Variants in TANC1 observed in about 807,000 individuals in gnomAD.
TANC1 encodes tetratricopeptide repeat, ankyrin repeat and coiled-coil containing 1.
Under a neutral mutation model 149.7 loss-of-function variants are expected in TANC1, and 77 were observed. That is an observed-to-expected ratio of 0.51 (90% CI 0.43 to 0.62). The LOEUF (loss-of-function observed/expected upper bound fraction) is 0.62, where lower values mean the gene tolerates loss of function less well. Among genes scored for constraint, TANC1 ranks in the 20% least tolerant of loss-of-function variants. TANC1 has a pLI of 0.00. For missense variants in TANC1, 1,985 were observed against 2,321.8 expected (o/e 0.85, Z 2.98); for synonymous variants, 854 against 925.0 (o/e 0.92, Z 1.39).
intron 8 of TANC1, among the ~76,000 whole-genome samples, chr2:159,163,753 A>G (rs1185767541): frequency 6.6e-6 from 1 of 152,176 alleles, no homozygotes; most frequent in Non-Finnish European, 1.5e-5. Flanking sequence ...CTGCTCTGGA[A>G]TTCTTTAAAT....
rs140659801 is a variant in TANC1 at position 159,059,888 on chromosome 2, TTGTGTGTGTGTGTGTGTGTG to T, written c.-15-5985_-15-5966del. On this transcript the variant is annotated intron_variant, in intron 2 of 26. Transcript: ENST00000263635. Reference sequence around the variant, plus strand: ...CCAGTGTACCATCTAGCAGACCTCTTTGTGTGTGTGTGTGTGTGTGTGTGTGTGTGTGTGTGTGTGTGGTT... The same window carrying T: ...CCAGTGTACCATCTAGCAGACCTCTTTGTGTGTGTGTGTGTGTGTGTGGTT... 7.8e-4 allele frequency among the ~76,000 whole-genome samples: 90 copies of T among 114,818 alleles called. 1 individual carries two copies. The highest frequency in any genetic ancestry group is 1.3e-3 in the Non-Finnish European group (72 of 56,018). 75.3% of individuals were successfully genotyped at this position (114,818 alleles called of 152,430 possible). A position where few individuals can be genotyped will look rare whatever the true frequency, so the allele number is the denominator to read the frequency against.
chr2:159,073,731 A>G (rs1216881334), intron 3 of TANC1, among the ~76,000 whole-genome samples: 1 of 152,198 alleles, frequency 6.6e-6, no homozygotes, highest in African/African-American at 2.4e-5. Context: ...AATTCCCATA[A>G]AAAGTTTCAT....
intron 1 of TANC1, among the ~76,000 whole-genome samples, chr2:158,969,539 G>C (rs888393280): frequency 6.6e-6 from 1 of 152,220 alleles, no homozygotes; most frequent in Non-Finnish European, 1.5e-5. Flanking sequence ...TTCGGGGGAC[G>C]ATATCAGGGC....
At chr2:159,226,780 T>C (rs989529470) in intron 24 of TANC1, 8 of 152,202 alleles carry the variant, frequency 5.3e-5, no homozygotes, top group Non-Finnish European at 8.8e-5. Flanking sequence ...GTGTGGCCTC[T>C]GTCACAACTC....
intron 2 of TANC1, among the ~76,000 whole-genome samples, chr2:159,061,541 T>G (rs966372104): frequency 1.3e-5 from 2 of 152,254 alleles, no homozygotes; most frequent in Admixed American, 6.5e-5. Context: ...TCAATCATGC[T>G]TCTACGTGGC....
intron 2 of TANC1, among the ~76,000 whole-genome samples, chr2:159,037,906 C>T (rs899899992): frequency 1.3e-4 from 20 of 152,128 alleles, no homozygotes; most frequent in Non-Finnish European, 2.9e-5. Flanking sequence ...TCATTGGTAG[C>T]TTGATGGAGA....
intron 5 of TANC1, among the ~76,000 whole-genome samples, chr2:159,144,939 C>G (rs779466071): frequency 1.3e-5 from 2 of 152,074 alleles, no homozygotes; most frequent in African/African-American, 4.8e-5. Flanking sequence ...AAGTCAACTT[C>G]GAGGTCACAT....
chr2:159,092,373 T>C (rs1388841867), intron 3 of TANC1, among the ~76,000 whole-genome samples: 1 of 152,234 alleles, frequency 6.6e-6, no homozygotes, highest in African/African-American at 2.4e-5. Context: ...TAATCTGTGA[T>C]GTTGGATGTT....
chr2:158,970,676 C>A, intron 1 of TANC1, among the ~76,000 whole-genome samples: 1 of 152,198 alleles, frequency 6.6e-6, no homozygotes, highest in Non-Finnish European at 1.5e-5. Context: ...TCCTTCAGGA[C>A]TTCCTCCTAG....
chr2:159,092,360 C>T lies in TANC1; in HGVS notation c.62-5277C>T, dbSNP rs545300240. On this transcript the variant is annotated intron_variant, in intron 3 of 26. Transcript: ENST00000263635. ...TGTCTCTAATGCTGCACTCTATGTA[C>T]TTTAATCTGTGATGTTGGATGTTGC... 3.3e-5 allele frequency among the ~76,000 whole-genome samples: 5 copies of T among 152,270 alleles called. 1 individual carries two copies. Among genetic ancestry groups the T allele is most frequent in the African/African-American group, 9.6e-5 (4 of 41,544 alleles).
intron 2 of TANC1, among the ~76,000 whole-genome samples, chr2:159,032,239 C>A (rs73969421): frequency 6.6e-6 from 1 of 152,154 alleles, no homozygotes; most frequent in African/African-American, 2.4e-5. Flanking sequence ...GGAGAGTACT[C>A]AGATGGAATA....
intron 18 of TANC1, among the ~76,000 whole-genome samples, chr2:159,197,744 T>C (rs762026769): frequency 6.6e-6 from 1 of 152,158 alleles, no homozygotes; most frequent in Non-Finnish European, 1.5e-5. Context: ...TCTTAATCCA[T>C]GCTAACCCCC....
chr2:159,163,469 C>T lies in TANC1; in HGVS notation c.869C>T (p.Ser290Phe). The T allele has an allele frequency of 1.2e-6, 2 of 1,613,948 alleles. No individual in the cohort carries two copies. Among genetic ancestry groups the T allele is most frequent in the Non-Finnish European group, 1.7e-6 (2 of 1,180,010 alleles). ...GAGAGCACGCTGCCCAAAGCAGAAT[C>T]CTCAGCTGGAGATGGTCCAGTCCCT... ...SAESTLPKAE[S>F]SAGDGPVPYS... Residue 290 changes from serine (S) to phenylalanine (F), a missense_variant, in exon 8 of 27, where the codon TCC becomes TTC. Coordinates refer to ENST00000263635, the MANE Select transcript of TANC1 (RefSeq NM_033394.3).
At chr2:159,159,439 CA>C (rs34576502) in intron 7 of TANC1, among the ~76,000 whole-genome samples, 30,771 of 92,986 alleles carry the variant, frequency 0.33, 3,608 homozygotes, top group Non-Finnish European at 0.42. Context: ...GACCCTGTCT[CA>C]AAAAAAAAAA....
chr2:159,179,933 G>A (rs1362734422), intron 14 of TANC1, among the ~76,000 whole-genome samples: 2 of 152,182 alleles, frequency 1.3e-5, no homozygotes, highest in Admixed American at 6.5e-5. Flanking sequence ...TGTCTCTGCT[G>A]TCTCGAGTGG....
At chr2:159,015,024 A>G (rs188957412) in intron 2 of TANC1, among the ~76,000 whole-genome samples, 4 of 152,284 alleles carry the variant, frequency 2.6e-5, no homozygotes, top group Non-Finnish European at 4.4e-5. Context: ...CCCTCTTCTC[A>G]CAGCTCTACT....
Position 159,230,679 on chromosome 2 carries a change from G to A in TANC1, c.5253G>A (p.Gly1751=). The A allele has an allele frequency of 1.2e-6, 2 of 1,614,224 alleles. No homozygotes were observed. The highest frequency in any genetic ancestry group is 1.7e-6 in the Non-Finnish European group (2 of 1,180,038). ...SRSWHCPAPE[G]LLTNTSSAAG... The stretch of plus-strand genomic sequence containing the variant: ...GCTGGCACTGTCCGGCACCAGAGGG[G>A]CTGCTGACAAACACGTCTTCTGCAG... Residue 1751 remains glycine (G), a synonymous_variant, in exon 27 of 27, where the codon GGG becomes GGA. Transcript: ENST00000263635. This position sits in a 1 kb window ranked among gnomAD's most constrained non-coding sequence, Gnocchi z 4.4.
At chr2:159,103,732 A>C (rs2046938168) in intron 4 of TANC1, among the ~76,000 whole-genome samples, 1 of 96,316 alleles carries the variant, frequency 1.0e-5, no homozygotes, top group South Asian at 3.6e-4. Context: ...CTCTTTGCAG[A>C]TGTGCAAGCA....
chr2:159,122,723 T>A (rs2048981149), intron 4 of TANC1, among the ~76,000 whole-genome samples: 1 of 152,070 alleles, frequency 6.6e-6, no homozygotes, highest in Non-Finnish European at 1.5e-5. Context: ...TGCAGTTGAT[T>A]CATTCATGTT....
Sources: gnomAD v4.1 joint callset for allele counts (sites outside exome capture counted in the v4.1 genomes callset) on GRCh38, gnomAD v4.1.1 for gene constraint, Gnocchi (gnomAD v3.1) non-coding constraint, MANE v1.5 for transcripts, NCBI Gene and HGNC (gene_info 2026-07-23, HGNC 2026-07-21) for gene names.